The following RBFOX1 variants were observed in gnomAD, a reference collection of about 807,000 sequenced individuals.
RBFOX1 encodes the protein RNA binding fox-1 homolog 1.
In RBFOX1, 8 loss-of-function variants were observed where a neutral mutation model predicts 57.7. The ratio of observed to expected loss-of-function variants is 0.14; its 90% CI spans 0.08 to 0.25. The LOEUF (loss-of-function observed/expected upper bound fraction) is 0.25. Ranked by LOEUF, RBFOX1 falls within the 10% of genes least tolerant of loss-of-function variation. The pLI is 1.00. For missense variants in RBFOX1, 611 were observed against 548.5 expected (o/e 1.11, Z -1.14); for synonymous variants, 326 against 222.4 (o/e 1.47, Z -4.15).
intron 3 of RBFOX1, among the ~76,000 whole-genome samples, chr16:5,785,173 G>C (rs556519033): frequency 5.7e-4 from 87 of 152,250 alleles, no homozygotes; most frequent in African/African-American, 2.0e-3. Context: ...GACATTCAAC[G>C]GTCCTTGCTA....
intron 2 of RBFOX1, among the ~76,000 whole-genome samples, chr16:6,370,431 A>G (rs1158858081): frequency 6.6e-6 from 1 of 151,196 alleles, no homozygotes; most frequent in East Asian, 2.0e-4. Flanking sequence ...TCACCTGAAG[A>G]GAGCCCTTCA....
rs141618063 is a variant in RBFOX1, at chr16:5,969,948, A to T, written c.351+102613A>T. On this transcript the variant is annotated intron_variant, in intron 4 of 19. Transcript: ENST00000641259. ...GAGTTTGAACGTTTGCAGGGAGTTGACCACATCTGTTGCTTCGCAGCTCAC... is the reference window on the plus strand; with the variant it reads ...GAGTTTGAACGTTTGCAGGGAGTTGTCCACATCTGTTGCTTCGCAGCTCAC... Among the ~76,000 whole-genome samples, 377 of 152,162 alleles carry T rather than the reference A, an allele frequency of 2.5e-3. 1 individual carries two copies. Among genetic ancestry groups the T allele is most frequent in the African/African-American group, 8.9e-3 (368 of 41,534 alleles).
chr16:7,692,639 A>AT (rs2077602856), intron 14 of RBFOX1, among the ~76,000 whole-genome samples: 2 of 152,170 alleles, frequency 1.3e-5, no homozygotes, highest in East Asian at 1.9e-4. Flanking sequence ...ATTAGAACAC[A>AT]TAATATCGTG....
At chr16:6,053,482 A>C (rs1347593086) in intron 1 of RBFOX1, among the ~76,000 whole-genome samples, 2 of 152,226 alleles carry the variant, frequency 1.3e-5, no homozygotes, top group Non-Finnish European at 2.9e-5. Flanking sequence ...GGCTGAATGT[A>C]AACAAAGAAA....
chr16:5,878,713 G>A (rs567440485), intron 4 of RBFOX1, among the ~76,000 whole-genome samples: 3 of 152,074 alleles, frequency 2.0e-5, no homozygotes, highest in South Asian at 2.1e-4. Context: ...AAGAGTTATT[G>A]CAATTCTGGC....
At chr16:6,312,674 TTCCTTCCTTCC>T (rs2080496276) in intron 1 of RBFOX1, among the ~76,000 whole-genome samples, 1 of 133,532 alleles carries the variant, frequency 7.5e-6, no homozygotes, top group Non-Finnish European at 1.6e-5. Flanking sequence ...CCTTCCTTCC[TTCCTTCCTTCC>T]TTCCTTCCTT....
chr16:7,049,028 T>A (rs114407455), intron 3 of RBFOX1, among the ~76,000 whole-genome samples: 3,355 of 152,270 alleles, frequency 0.022, 113 homozygotes, highest in African/African-American at 0.075. Context: ...TCAAAGCTTA[T>A]GGAAACATTT....
At chr16:7,205,702 A>G (rs1454895148) in intron 4 of RBFOX1, among the ~76,000 whole-genome samples, 1 of 152,214 alleles carries the variant, frequency 6.6e-6, no homozygotes, top group Admixed American at 6.5e-5. Context: ...TTGGTCCACC[A>G]TCTGCAGTCT....
intron 3 of RBFOX1, among the ~76,000 whole-genome samples, chr16:6,736,752 A>G (rs895221634): frequency 1.3e-5 from 2 of 152,214 alleles, no homozygotes; most frequent in African/African-American, 2.4e-5. Flanking sequence ...AAACCAGTTT[A>G]GAAGGACAGG....
intron 10 of RBFOX1, among the ~76,000 whole-genome samples, chr16:7,624,738 C>T (rs1390318326): frequency 2.6e-5 from 4 of 152,118 alleles, no homozygotes; most frequent in Admixed American, 6.5e-5. Flanking sequence ...CTCCTTTCCT[C>T]GGCTGAGTGA....
chr16:7,694,134 T>G (rs1216119185), intron 14 of RBFOX1, among the ~76,000 whole-genome samples: 2 of 152,210 alleles, frequency 1.3e-5, no homozygotes, highest in East Asian at 3.9e-4. Context: ...TTCTTTTTCC[T>G]TTTGTCGTTT....
intron 2 of RBFOX1, among the ~76,000 whole-genome samples, chr16:5,552,705 T>C (rs1446525750): frequency 6.6e-6 from 1 of 152,182 alleles, no homozygotes; most frequent in Non-Finnish European, 1.5e-5. Flanking sequence ...CCCTCTACAG[T>C]GCTTCTGAGC....
At chr16:7,486,050 T>C (rs2065276807) in intron 4 of RBFOX1, among the ~76,000 whole-genome samples, 1 of 152,102 alleles carries the variant, frequency 6.6e-6, no homozygotes, top group African/African-American at 2.4e-5. Context: ...CTGATCCTTC[T>C]TCTGTGCTAC....
At chr16:5,462,420 G>T (rs1047377850) in intron 1 of RBFOX1, among the ~76,000 whole-genome samples, 5 of 151,790 alleles carry the variant, frequency 3.3e-5, no homozygotes, top group Admixed American at 6.6e-5. Flanking sequence ...CACCCGCCTC[G>T]GCCTCCCAAA....
rs1555545321 is a variant in RBFOX1, at chr16:6,193,375, T to TATATATATACTATATATATATATAC, written c.-126-123619_-126-123618insTATATATACTATATATATATATACA. On this transcript the variant is annotated intron_variant, in intron 1 of 15. Transcript: ENST00000550418. ...TATACATTATATATATATATATATA[T>TATATATATACTATATATATATATAC]ACATTATATATATATACTATATATA... 1.1e-3 allele frequency among the ~76,000 whole-genome samples: 73 copies of TATATATATACTATATATATATATAC among 64,794 alleles called. 3 individuals carry two copies. Among genetic ancestry groups the TATATATATACTATATATATATATAC allele is most frequent in the South Asian group, 1.5e-3 (3 of 2,008 alleles). 42.5% of individuals were successfully genotyped at this position (64,794 alleles called of 152,430 possible).
chr16:6,717,496 G>C (rs534957419), intron 3 of RBFOX1, among the ~76,000 whole-genome samples: 48 of 152,138 alleles, frequency 3.2e-4, no homozygotes, highest in South Asian at 6.2e-4. Context: ...CAAACTTGGA[G>C]GTTTAGAAGC....
chr16:7,491,970 A>G (rs1030766730), intron 4 of RBFOX1, among the ~76,000 whole-genome samples: 6 of 152,126 alleles, frequency 3.9e-5, no homozygotes, highest in Admixed American at 2.0e-4. Context: ...ATTATAGTCT[A>G]TGTTCCTAAC....
At chr16:5,481,861 C>T (rs545474778) in intron 2 of RBFOX1, among the ~76,000 whole-genome samples, 1 of 152,318 alleles carries the variant, frequency 6.6e-6, no homozygotes, top group Admixed American at 6.5e-5. Context: ...CTCTGTGTGT[C>T]TGTGTCCTAA....
intron 1 of RBFOX1, among the ~76,000 whole-genome samples, chr16:6,151,606 A>G (rs1305089912): frequency 6.6e-6 from 1 of 152,114 alleles, no homozygotes; most frequent in Non-Finnish European, 1.5e-5. Flanking sequence ...CTTTTATGTC[A>G]TTCTCCATCT....
Sources: allele counts gnomAD v4.1 joint callset (sites outside exome capture counted in the v4.1 genomes callset), GRCh38; gene constraint gnomAD v4.1.1; transcripts MANE v1.5; gene names NCBI Gene and HGNC (gene_info 2026-07-23, HGNC 2026-07-21).